RABGAP1L: variants seen among roughly 807,000 people sequenced by gnomAD.
RABGAP1L encodes the protein RAB GTPase activating protein 1 like, also known as rab GTPase-activating protein 1-like.
RABGAP1L carries 63 observed loss-of-function variants against 137.7 expected under a neutral mutation model. The ratio of observed to expected loss-of-function variants is 0.46; its 90% CI spans 0.37 to 0.56. The LOEUF (loss-of-function observed/expected upper bound fraction) is 0.56, where lower values mean the gene tolerates loss of function less well. RABGAP1L is among the 20% of genes least tolerant of loss of function. The pLI is 0.00. For synonymous variants in RABGAP1L, 431 were observed against 433.7 expected (o/e 0.99, Z 0.08); for missense variants, 1,095 against 1,244.0 (o/e 0.88, Z 1.80).
intron 18 of RABGAP1L, among the ~76,000 whole-genome samples, chr1:174,803,560 G>T (rs191583483): frequency 7.0e-4 from 106 of 151,702 alleles, no homozygotes; most frequent in Middle Eastern, 3.4e-3. Flanking sequence ...AAAGGAAAAA[G>T]AAGCCATTTA....
intron 17 of RABGAP1L, among the ~76,000 whole-genome samples, chr1:174,718,857 G>C (rs1243102495): frequency 1.3e-5 from 1 of 74,322 alleles, no homozygotes; most frequent in African/African-American, 5.8e-5. Flanking sequence ...TTTTTTTTTT[G>C]AGACAGAGTT....
chr1:174,585,762 A>T (rs1407082749), intron 13 of RABGAP1L, among the ~76,000 whole-genome samples: 1 of 152,160 alleles, frequency 6.6e-6, no homozygotes, highest in African/African-American at 2.4e-5. Context: ...AGTTGTCAAT[A>T]CCTGAGCCTT....
chr1:174,637,406 A>G lies in RABGAP1L; in HGVS notation c.1742A>G (p.Asp581Gly). The change falls in exon 14 of 26, where the codon GAT becomes GGT. Residue 581 changes from aspartate to glycine, a missense_variant. By Grantham distance (94) the Asp-to-Gly change is moderately conservative. Transcript: ENST00000681986. ...GCCCAGGAGAGTGTTATTACTCGAG[A>G]TATTCATCGTACATTTCCCGCACAT... ...DSAQESVITR[D>G]IHRTFPAHDY... is the part of the protein sequence containing the mutation. 1 of 1,612,782 alleles carries G rather than the reference A, an allele frequency of 6.2e-7. No individual in the cohort carries two copies. The highest frequency in any genetic ancestry group is 8.5e-7 in the Non-Finnish European group (1 of 1,178,820).
At chr1:174,743,599 G>A (rs960109035) in intron 17 of RABGAP1L, among the ~76,000 whole-genome samples, 3 of 151,796 alleles carry the variant, frequency 2.0e-5, no homozygotes, top group Non-Finnish European at 4.4e-5. Flanking sequence ...AAGTTTACCT[G>A]CATAACAAAC....
At chr1:174,494,523 A>G (rs1377121515) in intron 13 of RABGAP1L, among the ~76,000 whole-genome samples, 1 of 152,194 alleles carries the variant, frequency 6.6e-6, no homozygotes, top group Non-Finnish European at 1.5e-5. Flanking sequence ...GCCTATGAAT[A>G]TCTGGTTTCA....
chr1:174,355,188 C>T (rs191704552), intron 11 of RABGAP1L, among the ~76,000 whole-genome samples: 2 of 152,178 alleles, frequency 1.3e-5, no homozygotes, highest in East Asian at 3.9e-4. Flanking sequence ...GCACTATTCA[C>T]AATAGCAAAG....
chr1:174,738,033 A>C (rs1185838382), intron 17 of RABGAP1L, among the ~76,000 whole-genome samples: 1 of 152,210 alleles, frequency 6.6e-6, no homozygotes, highest in Non-Finnish European at 1.5e-5. Flanking sequence ...TAACATTTTG[A>C]CATAAGATTT....
At chr1:174,972,853 CAAAA>C (rs373159573) in intron 21 of RABGAP1L, among the ~76,000 whole-genome samples, 120 of 52,806 alleles carry the variant, frequency 2.3e-3, no homozygotes, top group African/African-American at 8.0e-3. Flanking sequence ...GACTCTGTCT[CAAAA>C]AAAAAAAAAA....
chr1:174,636,114 A>G (rs1265674002), intron 13 of RABGAP1L, among the ~76,000 whole-genome samples: 2 of 152,194 alleles, frequency 1.3e-5, no homozygotes, highest in Non-Finnish European at 2.9e-5. Context: ...AAAAAGATAA[A>G]CATTTCTAGG....
intron 13 of RABGAP1L, among the ~76,000 whole-genome samples, chr1:174,499,725 T>C (rs2149373091): frequency 6.6e-6 from 1 of 152,272 alleles, no homozygotes; most frequent in East Asian, 1.9e-4. Context: ...TATTGAGGGT[T>C]GGTAAATGGT....
rs147395833 is a variant in RABGAP1L, at chr1:174,953,017, C to T, written c.2341-4440C>T. Among the ~76,000 whole-genome samples the T allele has an allele frequency of 3.9e-4, 50 of 128,398 alleles. 1 individual carries two copies. The Middle Eastern group carries it at 0.033, about 84-fold the overall frequency. 84.2% of individuals were successfully genotyped at this position (128,398 alleles called of 152,430 possible). On this transcript the variant is annotated intron_variant, in intron 19 of 25. Transcript: ENST00000681986. ...ATCTCAAATAAAATACAAAAATTAG[C>T]TAGGCATGGGTGGCATGCAAAAAAA...
In RABGAP1L at chr1:174,175,005, T is replaced by A. The variant is rs72711469; in HGVS notation, c.-34+15348T>A. On this transcript the variant is annotated intron_variant, in intron 1 of 25. Transcript: ENST00000681986. ...CTATCACAGTAAATTTATGAAGGTG[T>A]CAAAGTATTTATATTACTAAGATTT... Among the ~76,000 whole-genome samples the A allele has an allele frequency of 3.2e-3, 486 of 152,336 alleles. 1 individual carries two copies. The highest frequency in any genetic ancestry group is 5.1e-3 in the Non-Finnish European group (344 of 68,040).
chr1:174,543,125 C>T (rs188961668), intron 13 of RABGAP1L, among the ~76,000 whole-genome samples: 1 of 152,126 alleles, frequency 6.6e-6, no homozygotes, highest in Non-Finnish European at 1.5e-5. Flanking sequence ...TGGTGCAGAG[C>T]TGAGTTCAAT....
intron 14 of RABGAP1L, among the ~76,000 whole-genome samples, chr1:174,668,046 C>T (rs1398321842): frequency 6.6e-6 from 1 of 152,098 alleles, no homozygotes; most frequent in Non-Finnish European, 1.5e-5. Context: ...TTCCCCAAAA[C>T]TGTTATTATG....
chr1:174,637,597 T>C, intron 14 of RABGAP1L, 109 bp downstream of exon 14: 1 of 779,550 alleles, frequency 1.3e-6, no homozygotes, highest in Non-Finnish European at 2.1e-6. Flanking sequence ...CACTATGCCA[T>C]GTTTTCTGCT....
At chr1:174,611,308 A>G (rs555705236) in intron 13 of RABGAP1L, among the ~76,000 whole-genome samples, 2 of 151,506 alleles carry the variant, frequency 1.3e-5, no homozygotes, top group African/African-American at 4.9e-5. Flanking sequence ...TTTATTAAAT[A>G]GGGAATCCTT....
At chr1:174,165,530 A>G (rs1404209251) in intron 1 of RABGAP1L, among the ~76,000 whole-genome samples, 2 of 148,592 alleles carry the variant, frequency 1.3e-5, no homozygotes, top group Admixed American at 1.4e-4. Context: ...ACAGCATCTC[A>G]CTCCCGTTAC....
At chr1:174,709,609 C>G (rs1046432734) in intron 17 of RABGAP1L, among the ~76,000 whole-genome samples, 1 of 152,188 alleles carries the variant, frequency 6.6e-6, no homozygotes, top group Non-Finnish European at 1.5e-5. Flanking sequence ...GGAAAACTAG[C>G]AAACAGAAAG....
intron 12 of RABGAP1L, among the ~76,000 whole-genome samples, chr1:174,372,146 C>T (rs1685161197): frequency 6.6e-6 from 1 of 152,026 alleles, no homozygotes; most frequent in Non-Finnish European, 1.5e-5. Flanking sequence ...ACTTATTTAA[C>T]TCATTAATGA....
Sources: gnomAD v4.1 joint callset for allele counts (sites outside exome capture counted in the v4.1 genomes callset) on GRCh38, gnomAD v4.1.1 for gene constraint, MANE v1.5 for transcripts, NCBI Gene and HGNC (gene_info 2026-07-23, HGNC 2026-07-21) for gene names.